The following UGT1A9 variants were observed in gnomAD, a reference collection of about 807,000 sequenced individuals.
UGT1A9 encodes UDP glucuronosyltransferase family 1 member A9.
Under a neutral mutation model 45.0 loss-of-function variants are expected in UGT1A9, and 35 were observed. The observed-to-expected ratio is 0.78, with a 90% CI of 0.59 to 1.03. The LOEUF is 1.03. UGT1A9 is among the 50% of genes least tolerant of loss of function. The probability of loss-of-function intolerance (pLI) is 0.00; values close to 1 mark genes in which losing one functional copy is unlikely to be tolerated. For synonymous variants in UGT1A9, 278 were observed against 250.6 expected, an observed-to-expected ratio of 1.11 and a Z score of -1.03; for missense variants, 687 against 666.6, an observed-to-expected ratio of 1.03 and a Z score of -0.34.
chr2:233,765,140 A>C lies in UGT1A9; in HGVS notation c.856-1894A>C, dbSNP rs1698761038. 3.3e-5 allele frequency among the ~76,000 whole-genome samples: 5 copies of C among 152,146 alleles called. No individual in the cohort carries two copies. In the South Asian group the frequency reaches 1.0e-3, roughly 32 times the overall value. ...TGTTCAGGTTTTAGCACTGAACATCACATGTCCTAGGGAACCCCTCAGTTT... is the reference window on the plus strand; with the variant it reads ...TGTTCAGGTTTTAGCACTGAACATCCCATGTCCTAGGGAACCCCTCAGTTT... On this transcript the variant is annotated intron_variant, in intron 1 of 4. Transcript: ENST00000354728.
chr2:233,700,200 C>T (rs536446307), intron 1 of UGT1A9, among the ~76,000 whole-genome samples: 2 of 152,322 alleles, frequency 1.3e-5, no homozygotes, highest in Non-Finnish European at 2.9e-5. Context: ...CCTTTGTTGG[C>T]TGAGCTGTGG....
intron 1 of UGT1A9, among the ~76,000 whole-genome samples, chr2:233,738,445 C>T (rs1322346055): frequency 2.6e-5 from 4 of 152,306 alleles, no homozygotes; most frequent in Non-Finnish European, 5.9e-5. Context: ...GCTCAGAAGA[C>T]AGGAAGATGT....
At chr2:233,693,237 A>G in intron 1 of UGT1A9, 2 of 1,614,188 alleles carry the variant, frequency 1.2e-6, no homozygotes, top group Non-Finnish European at 1.7e-6. Flanking sequence ...AGAAAAATCT[A>G]TCCAGTGCCG....
intron 1 of UGT1A9, among the ~76,000 whole-genome samples, chr2:233,702,805 A>G (rs1026483662): frequency 6.6e-6 from 1 of 152,244 alleles, no homozygotes; most frequent in African/African-American, 2.4e-5. Flanking sequence ...TTCCTAGAAT[A>G]ATCCCACTTG....
chr2:233,772,281 C>A lies in UGT1A9; in HGVS notation c.1315C>A (p.Arg439Ser). Residue 439 changes from arginine to serine, a missense_variant, in exon 5 of 5, where the codon CGC becomes AGC. By Grantham distance (110) the Arg-to-Ser change is moderately radical. Transcript: ENST00000354728. ...NDKSYKENIMRLSSLHKDRPV... is the reference protein window; with the variant it reads ...NDKSYKENIMSLSSLHKDRPV... ...GTTTAGTTACAAGGAGAACATCATGCGCCTCTCCAGCCTTCACAAGGACCG... is the reference window on the plus strand; with the variant it reads ...GTTTAGTTACAAGGAGAACATCATGAGCCTCTCCAGCCTTCACAAGGACCG... 6.2e-7 allele frequency: 1 copy of A among 1,614,202 alleles called. No individual in the cohort carries two copies. The highest frequency in any genetic ancestry group is 1.7e-5 in the Admixed American group (1 of 60,028).
chr2:233,686,945 C>T (rs1438095246), intron 1 of UGT1A9, among the ~76,000 whole-genome samples: 1 of 152,326 alleles, frequency 6.6e-6, no homozygotes, highest in African/African-American at 2.4e-5. Flanking sequence ...TGCAGGGAAG[C>T]TGTCAGTAAT....
rs753857882 is a variant in UGT1A9, at chr2:233,750,179, ATGT to A, written c.856-16851_856-16849del. ...AATGGTTTTGACCAAAATGCTGATA[ATGT>A]TGTGGACAATGAAGTCCAGGCTGAG... On this transcript the variant is annotated intron_variant, in intron 1 of 4. Transcript: ENST00000354728. Among the ~76,000 whole-genome samples, 2 of 151,978 alleles carry A rather than the reference ATGT, an allele frequency of 1.3e-5. 1 individual carries two copies. The highest frequency in any genetic ancestry group is 6.8e-3 in the Middle Eastern group (2 of 294).
rs538309349 is a variant in UGT1A9, at chr2:233,711,882, A to G, written c.855+39093A>G. Among the ~76,000 whole-genome samples the G allele has an allele frequency of 1.2e-3, 185 of 152,230 alleles. 1 individual carries two copies. The highest frequency in any genetic ancestry group is 2.4e-3 in the Non-Finnish European group (166 of 68,038). ...AGTATGAGTGACTTTCTGGAGCAGG[A>G]CGAGTCTCATGGGCGTGAGACCATT... On this transcript the variant is annotated intron_variant, in intron 1 of 4. Coordinates refer to ENST00000354728, the MANE Select transcript of UGT1A9 (RefSeq NM_021027.3).
At chr2:233,753,889 A>G (rs1695337033) in intron 1 of UGT1A9, among the ~76,000 whole-genome samples, 1 of 152,212 alleles carries the variant, frequency 6.6e-6, no homozygotes, top group Non-Finnish European at 1.5e-5. Context: ...AGCCTTCAGA[A>G]GGAACATGCT....
At chr2:233,728,672 A>G (rs543695455) in intron 1 of UGT1A9, among the ~76,000 whole-genome samples, 4 of 152,342 alleles carry the variant, frequency 2.6e-5, no homozygotes, top group Middle Eastern at 3.4e-3. Context: ...TTACTCATAC[A>G]TGAGAAGAAA....
Position 233,772,653 on chromosome 2 carries a change from T to C in UGT1A9, c.*94T>C. The C allele has an allele frequency of 1.3e-6, 2 of 1,546,978 alleles. No individual in the cohort carries two copies. The highest frequency in any genetic ancestry group is 1.7e-6 in the Non-Finnish European group (2 of 1,146,404). On this transcript the variant is annotated 3_prime_UTR_variant, in exon 5 of 5. Transcript: ENST00000354728. ...CAGTGTTAAATTCATTTTATTCTTA[T>C]TAAGGAAATACTTTGCATAAATTAA...
intron 1 of UGT1A9, among the ~76,000 whole-genome samples, chr2:233,700,725 T>A (rs1022993283): frequency 6.6e-6 from 1 of 152,160 alleles, no homozygotes; most frequent in Non-Finnish European, 1.5e-5. Flanking sequence ...TTTTTAAAAA[T>A]TTTATTATTA....
chr2:233,716,945 C>G (rs1559362074), intron 1 of UGT1A9, among the ~76,000 whole-genome samples: 1 of 152,182 alleles, frequency 6.6e-6, no homozygotes, highest in Non-Finnish European at 1.5e-5. Context: ...TCCTATTTCC[C>G]AGGCACCAGG....
chr2:233,713,462 C>G (rs146711966), intron 1 of UGT1A9: 1 of 1,614,090 alleles, frequency 6.2e-7, no homozygotes, highest in Admixed American at 1.7e-5. Flanking sequence ...TTCACCTCTG[C>G]GCGGCGGTGC....
intron 1 of UGT1A9, chr2:233,743,033 G>A: frequency 3.8e-6 from 1 of 265,158 alleles, no homozygotes; most frequent in Non-Finnish European, 7.4e-6. Context: ...ACAAACAGAG[G>A]TCCTATCCGT....
At chr2:233,678,520 GT>G (rs1347609986) in intron 1 of UGT1A9, among the ~76,000 whole-genome samples, 4 of 152,098 alleles carry the variant, frequency 2.6e-5, no homozygotes, top group Middle Eastern at 6.8e-3. Flanking sequence ...ATTACTGTCT[GT>G]TTTTTTCTCT....
At chr2:233,678,129 G>C (rs1280846653) in intron 1 of UGT1A9, among the ~76,000 whole-genome samples, 1 of 152,112 alleles carries the variant, frequency 6.6e-6, no homozygotes, top group Non-Finnish European at 1.5e-5. Context: ...GTACTTTTGG[G>C]CATAAAGATG....
At chr2:233,734,724 C>T (rs548738202) in intron 1 of UGT1A9, among the ~76,000 whole-genome samples, 2 of 150,850 alleles carry the variant, frequency 1.3e-5, no homozygotes, top group East Asian at 4.1e-4. Flanking sequence ...TCTTTGTTCT[C>T]GTCGGTTTCA....
intron 1 of UGT1A9, among the ~76,000 whole-genome samples, chr2:233,701,559 C>T (rs1345105589): frequency 1.3e-5 from 2 of 152,136 alleles, no homozygotes; most frequent in Admixed American, 6.5e-5. Context: ...CAGCACCACA[C>T]CACACCTACT....
Sources: allele counts gnomAD v4.1 joint callset (sites outside exome capture counted in the v4.1 genomes callset), GRCh38; gene constraint gnomAD v4.1.1; transcripts MANE v1.5; gene names NCBI Gene and HGNC (gene_info 2026-07-23, HGNC 2026-07-21).